Variants in CSMD1 observed in about 807,000 individuals in gnomAD.
CSMD1 encodes CUB and Sushi multiple domains 1.
Under a neutral mutation model 417.5 loss-of-function variants are expected in CSMD1, and 213 were observed. That is an observed-to-expected ratio of 0.51 (90% confidence interval 0.46 to 0.57). The LOEUF (loss-of-function observed/expected upper bound fraction) is 0.57, where lower values mean the gene tolerates loss of function less well. Among genes scored for constraint, CSMD1 ranks in the 20% least tolerant of loss-of-function variants. The pLI is 0.00. For synonymous variants in CSMD1, 2,862 were observed against 1,736.8 expected, an observed-to-expected ratio of 1.65 and a Z score of -16.11; for missense variants, 6,923 against 4,529.7, an observed-to-expected ratio of 1.53 and a Z score of -15.17.
At chr8:4,723,603 T>C (rs1466442433) in intron 1 of CSMD1, among the ~76,000 whole-genome samples, 1 of 152,056 alleles carries the variant, frequency 6.6e-6, no homozygotes, top group Non-Finnish European at 1.5e-5. Flanking sequence ...AGAGGACATT[T>C]AAAAAGCAAA....
At chr8:4,393,958 G>T (rs753507468) in intron 3 of CSMD1, among the ~76,000 whole-genome samples, 1 of 152,102 alleles carries the variant, frequency 6.6e-6, no homozygotes, top group Non-Finnish European at 1.5e-5. Flanking sequence ...AGGTATTAAC[G>T]CAGAATATGC....
At chr8:3,538,566 G>C (rs2117551412) in intron 10 of CSMD1, among the ~76,000 whole-genome samples, 1 of 152,372 alleles carries the variant, frequency 6.6e-6, no homozygotes, top group Non-Finnish European at 1.5e-5. Flanking sequence ...TGGCTAACCT[G>C]AGTTGCCTCC....
rs373086386 is a variant in CSMD1, at chr8:4,031,920, C to G, written c.595G>C (p.Ala199Pro). 1.2e-6 allele frequency: 2 copies of G among 1,613,408 alleles called. No homozygotes were observed. The highest frequency in any genetic ancestry group is 1.1e-5 in the South Asian group (1 of 91,020). The change falls in exon 4 of 70, where the codon GCT becomes CCT. Residue 199 changes from alanine (A) to proline (P), a missense_variant. By Grantham distance (27) the Ala-to-Pro change is conservative. Coordinates refer to ENST00000635120, the MANE Select transcript of CSMD1 (RefSeq NM_033225.6). ...AGCACTGTACCTCTGCAAAAGGGAG[C>G]TGGGAAGTCCCACGATGCACCATTT... is the stretch of plus-strand genomic sequence containing the variant. ...PGNGASWDFPAPFCRAEGACG... is the reference protein window; with the variant it reads ...PGNGASWDFPPPFCRAEGACG...
At chr8:3,907,051 A>T (rs141145711) in intron 5 of CSMD1, among the ~76,000 whole-genome samples, 2 of 152,228 alleles carry the variant, frequency 1.3e-5, no homozygotes, top group East Asian at 3.9e-4. Flanking sequence ...GAGCTTACTA[A>T]AGTTTCCAAA....
At chr8:3,952,293 C>T (rs954814729) in intron 5 of CSMD1, among the ~76,000 whole-genome samples, 8 of 152,148 alleles carry the variant, frequency 5.3e-5, no homozygotes, top group Middle Eastern at 3.4e-3. Context: ...AGAGGCTACG[C>T]GAAAGGTGTC....
intron 5 of CSMD1, among the ~76,000 whole-genome samples, chr8:3,970,071 T>C (rs1039657083): frequency 2.0e-5 from 3 of 152,202 alleles, no homozygotes; most frequent in African/African-American, 7.2e-5. Flanking sequence ...GTAGTCTATG[T>C]TAGGTGCTGC....
chr8:3,163,973 C>A (rs1460404), intron 37 of CSMD1, among the ~76,000 whole-genome samples: 1 of 152,026 alleles, frequency 6.6e-6, no homozygotes, highest in Non-Finnish European at 1.5e-5. Context: ...TAACAGTACA[C>A]TTCCTCCACT....
At chr8:3,438,206 T>G (rs10108731) in intron 12 of CSMD1, among the ~76,000 whole-genome samples, 1 of 152,190 alleles carries the variant, frequency 6.6e-6, no homozygotes, top group Non-Finnish European at 1.5e-5. Flanking sequence ...TAGATCCATA[T>G]GCAGTTGTAA....
At chr8:4,597,600 A>T (rs1404868903) in intron 2 of CSMD1, among the ~76,000 whole-genome samples, 2 of 152,246 alleles carry the variant, frequency 1.3e-5, no homozygotes, top group Admixed American at 1.3e-4. Flanking sequence ...CACAGAAATG[A>T]AAATGGAATA....
chr8:4,094,119 G>A (rs1800872532), intron 3 of CSMD1, among the ~76,000 whole-genome samples: 1 of 151,982 alleles, frequency 6.6e-6, no homozygotes, highest in South Asian at 2.1e-4. Context: ...CCCAACAGAT[G>A]GTGCCTCCGT....
chr8:4,044,677 G>C (rs1014598106), intron 3 of CSMD1, among the ~76,000 whole-genome samples: 1 of 152,144 alleles, frequency 6.6e-6, no homozygotes, highest in African/African-American at 2.4e-5. Context: ...TACCACCCTG[G>C]CCACCTACAA....
At chr8:3,248,060 G>T (rs1186471441) in intron 26 of CSMD1, among the ~76,000 whole-genome samples, 2 of 152,314 alleles carry the variant, frequency 1.3e-5, no homozygotes, top group Middle Eastern at 3.4e-3. Flanking sequence ...GTGCAAAGTG[G>T]CTCATGTCTG....
At position 3,408,204 on chromosome 8, in the gene CSMD1, G is replaced by A. The variant is rs766292308; in HGVS notation, c.1766C>T (p.Thr589Met). The A allele has an allele frequency of 1.4e-5, 23 of 1,604,378 alleles. No homozygotes were observed. The highest frequency in any genetic ancestry group is 2.2e-5 in the South Asian group (2 of 89,858). The change falls in exon 14 of 70, where the codon ACG becomes ATG. Residue 589 changes from threonine to methionine, a missense_variant. By Grantham distance (81) the Thr-to-Met change is moderately conservative. Transcript: ENST00000635120. ...TGACAGAATAATCCCAGATGATGCC[G>A]TAAAGTTGAAGAAACATGAAACTGT... ...SCVFSCFFNFTASSGIILSPN... is the reference protein window; with the variant it reads ...SCVFSCFFNFMASSGIILSPN...
At chr8:4,448,791 G>A (rs1369804906) in intron 2 of CSMD1, among the ~76,000 whole-genome samples, 1 of 152,132 alleles carries the variant, frequency 6.6e-6, no homozygotes, top group South Asian at 2.1e-4. Flanking sequence ...GATGTCATCT[G>A]CAGAAGGAGA....
intron 3 of CSMD1, among the ~76,000 whole-genome samples, chr8:4,352,349 G>A (rs531843281): frequency 1.3e-5 from 2 of 152,242 alleles, no homozygotes; most frequent in African/African-American, 2.4e-5. Context: ...CATTTAGAAT[G>A]TTCTCAGATA....
rs539821021 is a variant in CSMD1, at chr8:4,041,199, G to A, written c.416-9100C>T. Among the ~76,000 whole-genome samples, 134 of 151,142 alleles carry A rather than the reference G, an allele frequency of 8.9e-4. No homozygotes were observed. The South Asian group carries it at 0.014, about 16-fold the overall frequency. ...GCCCGGCTAATTTTTTTGTATTTTTGGTAGAGACGGGGTTTCACCGTGTTA... is the reference window on the plus strand; with the variant it reads ...GCCCGGCTAATTTTTTTGTATTTTTAGTAGAGACGGGGTTTCACCGTGTTA... On this transcript the variant is annotated intron_variant, in intron 3 of 69. Transcript: ENST00000635120.
intron 1 of CSMD1, among the ~76,000 whole-genome samples, chr8:4,990,172 A>G (rs147066003): frequency 1.3e-5 from 2 of 152,342 alleles, no homozygotes; most frequent in Non-Finnish European, 2.9e-5. Flanking sequence ...TCAAGTTTAC[A>G]AAACCTGTCA....
chr8:2,949,308 C>G lies in CSMD1; in HGVS notation c.10393G>C (p.Glu3465Gln). The G allele has an allele frequency of 6.3e-7, 1 of 1,594,994 alleles. No homozygotes were observed. The highest frequency in any genetic ancestry group is 1.1e-5 in the South Asian group (1 of 90,286). ...HGKDFGKFKLERQDPLNPDQD... is the reference protein window; with the variant it reads ...HGKDFGKFKLQRQDPLNPDQD... ...CCTAAGTGCAACTTACCTTGCCTTT[C>G]TAGCTTAAATTTTCCAAAGTCTTTT... Residue 3465 changes from glutamate to glutamine, a missense_variant, in exon 68 of 70, where the codon GAA (glutamate) becomes CAA (glutamine). Transcript: ENST00000635120.
At chr8:4,145,947 C>G (rs34700850) in intron 3 of CSMD1, among the ~76,000 whole-genome samples, 1 of 150,700 alleles carries the variant, frequency 6.6e-6, no homozygotes, top group Non-Finnish European at 1.5e-5. Context: ...ACTGACCACG[C>G]TGTTTCTTGT....
Sources: gnomAD v4.1 joint callset for allele counts (sites outside exome capture counted in the v4.1 genomes callset) on GRCh38, gnomAD v4.1.1 for gene constraint, MANE v1.5 for transcripts, NCBI Gene and HGNC (gene_info 2026-07-23, HGNC 2026-07-21) for gene names.